RAP1B: variants seen among roughly 807,000 people sequenced by gnomAD.
The protein encoded by RAP1B is RAP1B, member of RAS oncogene family.
A neutral mutation model predicts 27.5 loss-of-function variants in RAP1B; 1 was observed. The observed-to-expected ratio is 0.04, with a 90% CI of 0.01 to 0.17. The LOEUF (loss-of-function observed/expected upper bound fraction) is 0.17, where lower values mean the gene tolerates loss of function less well. Ranked by LOEUF, RAP1B falls within the 10% of genes least tolerant of loss-of-function variation. The pLI, the probability that RAP1B is intolerant of heterozygous loss-of-function variation, is 1.00. For missense variants in RAP1B, 84 were observed against 214.8 expected (o/e 0.39, Z 3.81); for synonymous variants, 75 against 73.1 (o/e 1.03, Z -0.13).
chr12:68,645,576 A>G (rs1873345854), intron 1 of RAP1B, among the ~76,000 whole-genome samples: 2 of 152,246 alleles, frequency 1.3e-5, no homozygotes, highest in African/African-American at 2.4e-5. Flanking sequence ...ACGCTATACA[A>G]ATAACAGGTG....
chr12:68,656,140 A>G (rs1381739498), intron 5 of RAP1B, among the ~76,000 whole-genome samples, 166 bp from the exon 6 acceptor site: 2 of 152,210 alleles, frequency 1.3e-5, no homozygotes, highest in Non-Finnish European at 1.5e-5. Context: ...ACTTATGTTT[A>G]TGTTACAGAT....
rs1302261463 is a variant in RAP1B at position 68,659,998 on chromosome 12, A to C, written c.*749A>C. 7.1e-6 allele frequency: 1 copy of C among 141,436 alleles called. No homozygotes were observed. The highest frequency in any genetic ancestry group is 1.5e-5 in the Non-Finnish European group (1 of 65,868). The allele number at this position is 141,436 out of a possible 1,614,324, so 8.8% of individuals were successfully genotyped here. ...AGTCGTGTGTACAGTGGGGGTCTAC[A>C]ACAAGAAGTGTATATTTTCAAACAA... On this transcript the variant is annotated 3_prime_UTR_variant, in exon 8 of 8. Coordinates refer to ENST00000250559, the MANE Select transcript of RAP1B (RefSeq NM_001010942.3).
intron 7 of RAP1B, among the ~76,000 whole-genome samples, chr12:68,658,119 A>C (rs1320797973): frequency 1.3e-5 from 2 of 152,170 alleles, no homozygotes; most frequent in African/African-American, 4.8e-5. Context: ...TTTATTGTTA[A>C]ACTGTTAATT....
intron 1 of RAP1B, among the ~76,000 whole-genome samples, chr12:68,611,695 A>G (rs1870605767): frequency 6.6e-6 from 1 of 152,008 alleles, no homozygotes; most frequent in Non-Finnish European, 1.5e-5. Flanking sequence ...AGAGAGCCCC[A>G]CTTAGTCTGG....
chr12:68,611,331 A>G (rs1434336575), intron 1 of RAP1B, among the ~76,000 whole-genome samples: 1 of 150,170 alleles, frequency 6.7e-6, no homozygotes, highest in African/African-American at 2.4e-5. Context: ...TGGCGGAGGA[A>G]GTGAGAGCCC....
intron 1 of RAP1B, among the ~76,000 whole-genome samples, chr12:68,646,031 A>G (rs1873380835): frequency 6.6e-6 from 1 of 152,208 alleles, no homozygotes; most frequent in South Asian, 2.1e-4. Flanking sequence ...AGCAACAAAT[A>G]ATAATGCTCA....
chr12:68,612,046 C>G (rs540271159), intron 1 of RAP1B, among the ~76,000 whole-genome samples: 10 of 152,192 alleles, frequency 6.6e-5, no homozygotes, highest in African/African-American at 1.4e-4. Context: ...CCTGTAACTT[C>G]TGATTGGTAT....
chr12:68,620,605 T>C (rs1181225070), intron 1 of RAP1B, among the ~76,000 whole-genome samples: 3 of 140,850 alleles, frequency 2.1e-5, no homozygotes, highest in South Asian at 4.3e-4. Flanking sequence ...ATTTTCCTTT[T>C]CTTTTTTTTT....
chr12:68,615,560 A>T (rs1028127325), intron 1 of RAP1B, among the ~76,000 whole-genome samples: 2 of 151,730 alleles, frequency 1.3e-5, no homozygotes, highest in South Asian at 2.1e-4. Context: ...CTGCACTCCA[A>T]CCTGGGCGAC....
At chr12:68,642,045 A>T (rs546391856) in intron 1 of RAP1B, among the ~76,000 whole-genome samples, 1 of 152,280 alleles carries the variant, frequency 6.6e-6, no homozygotes, top group South Asian at 2.1e-4. Flanking sequence ...TATATGCTAC[A>T]GTCTTTTCTG....
At chr12:68,640,680 A>G (rs926387575) in intron 1 of RAP1B, among the ~76,000 whole-genome samples, 1 of 152,160 alleles carries the variant, frequency 6.6e-6, no homozygotes, top group African/African-American at 2.4e-5. Flanking sequence ...TAGTTTCCTC[A>G]GTGATTTTTT....
chr12:68,614,195 ATATT>A (rs1279299058), intron 1 of RAP1B, among the ~76,000 whole-genome samples: 1 of 152,200 alleles, frequency 6.6e-6, no homozygotes, highest in Non-Finnish European at 1.5e-5. Context: ...TACTCGATAA[ATATT>A]TATTGAGGTA....
At chr12:68,656,105 G>A (rs1050138319) in intron 5 of RAP1B, among the ~76,000 whole-genome samples, 13 of 152,146 alleles carry the variant, frequency 8.5e-5, no homozygotes, top group Admixed American at 1.3e-4. Flanking sequence ...AGAAGGCAGT[G>A]GAGATAATTG....
intron 1 of RAP1B, among the ~76,000 whole-genome samples, chr12:68,640,011 T>C (rs1872886311): frequency 6.6e-6 from 1 of 151,972 alleles, no homozygotes; most frequent in African/African-American, 2.4e-5. Context: ...CGGCTAATTT[T>C]TGTATTTTTA....
intron 5 of RAP1B, among the ~76,000 whole-genome samples, chr12:68,654,831 C>G (rs80172923): frequency 6.6e-6 from 1 of 152,218 alleles, no homozygotes; most frequent in South Asian, 2.1e-4. Context: ...AGTTTAATTC[C>G]TCATCACACT....
intron 1 of RAP1B, among the ~76,000 whole-genome samples, chr12:68,621,905 G>T (rs1871410128): frequency 6.6e-6 from 1 of 152,142 alleles, no homozygotes; most frequent in Non-Finnish European, 1.5e-5. Context: ...CTTTTCTCTG[G>T]ACCTTCAGGT....
chr12:68,634,405 C>T (rs1363816894), intron 1 of RAP1B, among the ~76,000 whole-genome samples: 3 of 152,072 alleles, frequency 2.0e-5, no homozygotes, highest in Non-Finnish European at 2.9e-5. Context: ...GGATCTAAAG[C>T]CTATACTGAG....
chr12:68,639,063 CT>C (rs1247921160), intron 1 of RAP1B, among the ~76,000 whole-genome samples: 1 of 152,182 alleles, frequency 6.6e-6, no homozygotes. Context: ...CTTTAGGGAT[CT>C]AGTCGAGAAG....
At chr12:68,649,088 T>G (rs772063992) in intron 2 of RAP1B, 8 of 255,162 alleles carry the variant, frequency 3.1e-5, no homozygotes, top group Admixed American at 9.9e-5. Context: ...GGAATAAATT[T>G]TGGTCTTTTT....
Sources: gnomAD v4.1 joint callset for allele counts (sites outside exome capture counted in the v4.1 genomes callset) on GRCh38, gnomAD v4.1.1 for gene constraint, MANE v1.5 for transcripts, NCBI Gene and HGNC (gene_info 2026-07-23, HGNC 2026-07-21) for gene names.